Variants in ZDHHC18 observed in about 807,000 individuals in gnomAD.
ZDHHC18 encodes the protein zDHHC palmitoyltransferase 18.
In ZDHHC18, 23 loss-of-function variants were observed where a neutral mutation model predicts 37.5. That is an observed-to-expected ratio of 0.61 (90% CI 0.44 to 0.87). The LOEUF is 0.87. Among genes scored for constraint, ZDHHC18 ranks in the 40% least tolerant of loss-of-function variants. The pLI is 0.00. For missense variants in ZDHHC18, 406 were observed against 525.6 expected (o/e 0.77, Z 2.22); for synonymous variants, 185 against 218.7 (o/e 0.85, Z 1.36).
intron 2 of ZDHHC18, among the ~76,000 whole-genome samples, chr1:26,845,879 A>G (rs1356655004): frequency 2.6e-5 from 4 of 152,018 alleles, no homozygotes; most frequent in African/African-American, 9.7e-5. Context: ...CTCCTGCCTC[A>G]GCCTCCTGAG....
chr1:26,853,469 T>G (rs987659855), intron 7 of ZDHHC18, among the ~76,000 whole-genome samples: 4 of 152,196 alleles, frequency 2.6e-5, no homozygotes, highest in African/African-American at 4.8e-5. Context: ...CAGCCTGGCT[T>G]CTTGGCAGCC....
chr1:26,843,996 A>T (rs1246226380), intron 2 of ZDHHC18, among the ~76,000 whole-genome samples: 1 of 152,060 alleles, frequency 6.6e-6, no homozygotes, highest in East Asian at 1.9e-4. Context: ...CCTATTTTTG[A>T]ACATTTTGTA....
intron 2 of ZDHHC18, among the ~76,000 whole-genome samples, chr1:26,844,147 C>A (rs2081652038): frequency 1.3e-5 from 2 of 152,246 alleles, no homozygotes; most frequent in South Asian, 4.1e-4. Context: ...TCAAGCAATT[C>A]TCCTGCCTCA....
Position 26,853,894 on chromosome 1 carries a change from C to A in ZDHHC18, c.*51C>A, listed in dbSNP as rs1234479694. On this transcript the variant is annotated 3_prime_UTR_variant, in exon 8 of 8. Coordinates refer to ENST00000374142, the MANE Select transcript of ZDHHC18 (RefSeq NM_032283.3). ...TGGCCTGTCTGACCCTCCGCACTCA[C>A]CTGCCGGGACCCTCCCTATTCCATC... 2 of 1,492,766 alleles carry A rather than the reference C, an allele frequency of 1.3e-6. No homozygotes were observed. Among genetic ancestry groups the A allele is most frequent in the African/African-American group, 1.4e-5 (1 of 72,524 alleles). The allele number at this position is 1,492,766 out of a possible 1,614,324, so 92.5% of individuals were successfully genotyped here. A position where few individuals can be genotyped will look rare whatever the true frequency, so the allele number is the denominator to read the frequency against.
At chr1:26,840,640 G>T (rs762606570) in intron 2 of ZDHHC18, among the ~76,000 whole-genome samples, 2 of 151,934 alleles carry the variant, frequency 1.3e-5, no homozygotes, top group Non-Finnish European at 2.9e-5. Context: ...TGGGGTTTCA[G>T]TGTGTTGGCC....
At position 26,827,105 on chromosome 1, in the gene ZDHHC18, A is replaced by G. The variant is rs766059868; in HGVS notation, c.301A>G (p.Ile101Val). Residue 101 changes from isoleucine (I) to valine (V), a missense_variant, in exon 1 of 8, where the codon ATC (isoleucine) becomes GTC (valine). Physicochemically the swap from Ile to Val is conservative, Grantham distance 29. Transcript: ENST00000374142. ...CGTCTTCGCGCTCACGCTGCTGCTC[A>G]TCCTCACCACCACCGGCCTCTTCTT... ...GGVFALTLLL[I>V]LTTTGLFFVF... 1 of 1,418,014 alleles carries G rather than the reference A, an allele frequency of 7.1e-7. No individual in the cohort carries two copies. Among genetic ancestry groups the G allele is most frequent in the South Asian group, 1.4e-5 (1 of 69,662 alleles). The allele number at this position is 1,418,014 out of a possible 1,614,324, so 87.8% of individuals were successfully genotyped here.
rs1360793229 is a variant in ZDHHC18, at chr1:26,850,078, AAGG to A, written c.647-220_647-218del. ...GAGGTGGCTTTGCAGCTGAGACGCG[AAGG>A]AGAAGTTCCAGTTAACCAGGTAAAG... On this transcript the variant is annotated intron_variant, in intron 3 of 7. Coordinates refer to ENST00000374142, the MANE Select transcript of ZDHHC18 (RefSeq NM_032283.3). This position sits in a 1 kb window ranked among gnomAD's most constrained non-coding sequence, Gnocchi z 6.1. Among the ~76,000 whole-genome samples the A allele has an allele frequency of 3.9e-5, 6 of 152,342 alleles. No individual in the cohort carries two copies. The highest frequency in any genetic ancestry group is 4.1e-4 in the South Asian group (2 of 4,834).
chr1:26,845,901 A>G lies in ZDHHC18; in HGVS notation c.497-2707A>G, dbSNP rs371292079. ...CTCAGCCTCCTGAGAAGCTGGGACC[A>G]CAGGCATGAGCAACCATGCCCAGCC... On this transcript the variant is annotated intron_variant, in intron 2 of 7. Transcript: ENST00000374142. 1.2e-4 allele frequency among the ~76,000 whole-genome samples: 18 copies of G among 152,116 alleles called. No homozygotes were observed. In the East Asian group the frequency reaches 3.5e-3, roughly 29 times the overall value.
At chr1:26,847,373 G>A (rs375767654) in intron 2 of ZDHHC18, among the ~76,000 whole-genome samples, 5 of 151,924 alleles carry the variant, frequency 3.3e-5, no homozygotes, top group East Asian at 1.9e-4. Context: ...CGTCATACCC[G>A]GCTAATTTTT....
intron 2 of ZDHHC18, among the ~76,000 whole-genome samples, chr1:26,837,938 T>C (rs1369844031): frequency 6.6e-6 from 1 of 152,030 alleles, no homozygotes; most frequent in Non-Finnish European, 1.5e-5. Context: ...CCGCCTGCCG[T>C]GGTGAGCCAG....
In ZDHHC18 at chr1:26,827,042, T is replaced by G; in HGVS notation, c.238T>G (p.Tyr80Asp). Residue 80 changes from tyrosine (Y) to aspartate (D), a missense_variant, in exon 1 of 8, where the codon TAC (tyrosine) becomes GAC (aspartate). Coordinates refer to ENST00000374142, the MANE Select transcript of ZDHHC18 (RefSeq NM_032283.3). The part of the protein sequence containing the change: ...WEVFPGRNRF[Y>D]CGGRLMLAGH... ...GGTGTTCCCGGGTCGCAATCGCTTC[T>G]ACTGCGGCGGCCGCCTCATGCTGGC... The G allele has an allele frequency of 7.4e-7, 1 of 1,351,386 alleles. No individual in the cohort carries two copies. The highest frequency in any genetic ancestry group is 9.5e-7 in the Non-Finnish European group (1 of 1,054,188). The allele number at this position is 1,351,386 out of a possible 1,614,324, so 83.7% of individuals were successfully genotyped here. A position where few individuals can be genotyped will look rare whatever the true frequency, so the allele number is the denominator to read the frequency against.
rs1419995782 is a variant in ZDHHC18, at chr1:26,857,544, G to A, written c.*3701G>A. 1.3e-5 allele frequency: 2 copies of A among 152,008 alleles called. No homozygotes were observed. The highest frequency in any genetic ancestry group is 2.1e-4 in the South Asian group (1 of 4,810). 9.4% of individuals were successfully genotyped at this position (152,008 alleles called of 1,614,324 possible). ...GCCCAGGGCTGGGGGCTGCTTGTCTGCTATCCTGTACCTTTTTTTTTTTTA... is the reference window on the plus strand; with the variant it reads ...GCCCAGGGCTGGGGGCTGCTTGTCTACTATCCTGTACCTTTTTTTTTTTTA... On this transcript the variant is annotated 3_prime_UTR_variant, in exon 8 of 8. Transcript: ENST00000374142.
intron 1 of ZDHHC18, among the ~76,000 whole-genome samples, chr1:26,827,773 C>A (rs1306091551): frequency 6.6e-6 from 1 of 152,192 alleles, no homozygotes; most frequent in Non-Finnish European, 1.5e-5. Flanking sequence ...CATCTTTTCT[C>A]AAAATCTTTG....
chr1:26,832,455 A>G lies in ZDHHC18; in HGVS notation c.344A>G (p.Tyr115Cys). 2 of 1,614,036 alleles carry G rather than the reference A, an allele frequency of 1.2e-6. No homozygotes were observed. Among genetic ancestry groups the G allele is most frequent in the Middle Eastern group, 1.7e-4 (1 of 6,058 alleles). ...TGLFFVFDCP[Y>C]LARKLTLAIP... Reference sequence around the variant, plus strand: ...TCCATCTCTCGTTCTAGCTGTCCCTACCTGGCTCGCAAGCTGACCCTTGCC... The same window carrying G: ...TCCATCTCTCGTTCTAGCTGTCCCTGCCTGGCTCGCAAGCTGACCCTTGCC... The change falls in exon 2 of 8, where the codon TAC (tyrosine) becomes TGC (cysteine). Residue 115 changes from tyrosine to cysteine, a missense_variant. Coordinates refer to ENST00000374142, the MANE Select transcript of ZDHHC18 (RefSeq NM_032283.3).
intron 1 of ZDHHC18, among the ~76,000 whole-genome samples, chr1:26,827,952 G>A (rs1420176499): frequency 1.3e-5 from 2 of 152,040 alleles, no homozygotes; most frequent in Non-Finnish European, 2.9e-5. Context: ...ACGTCCCTCT[G>A]GCCTGTTCCA....
rs1296905039 is a variant in ZDHHC18 at position 26,854,798 on chromosome 1, TAA to T, written c.*956_*957del. ...TTATCAGAAGGCTGGTTGGTTTTAA[TAA>T]GTTTATTCCAAGAGACCTTCTGGCT... On this transcript the variant is annotated 3_prime_UTR_variant, in exon 8 of 8. Coordinates refer to ENST00000374142, the MANE Select transcript of ZDHHC18 (RefSeq NM_032283.3). This position sits in a 1 kb window ranked among gnomAD's most constrained non-coding sequence, Gnocchi z 4.6. 1.3e-5 allele frequency: 2 copies of T among 152,622 alleles called. No individual in the cohort carries two copies. The highest frequency in any genetic ancestry group is 6.5e-5 in the Admixed American group (1 of 15,282). The allele number at this position is 152,622 out of a possible 1,614,324, so 9.5% of individuals were successfully genotyped here. A position where few individuals can be genotyped will look rare whatever the true frequency, so the allele number is the denominator to read the frequency against.
chr1:26,829,513 A>C (rs1418262464), intron 1 of ZDHHC18, among the ~76,000 whole-genome samples: 2 of 152,020 alleles, frequency 1.3e-5, no homozygotes, highest in Non-Finnish European at 2.9e-5. Context: ...TCCCCTGTCC[A>C]TCCGCACAGC....
chr1:26,840,241 A>C (rs1021411820), intron 2 of ZDHHC18, among the ~76,000 whole-genome samples: 2 of 152,176 alleles, frequency 1.3e-5, no homozygotes, highest in Admixed American at 1.3e-4. Context: ...GCTGTCCTTC[A>C]TTCACAGATG....
intron 1 of ZDHHC18, among the ~76,000 whole-genome samples, chr1:26,829,515 C>A (rs1462974563): frequency 6.6e-6 from 1 of 152,148 alleles, no homozygotes; most frequent in Non-Finnish European, 1.5e-5. Context: ...CCCTGTCCAT[C>A]CGCACAGCAT....
Sources: gnomAD v4.1 joint callset for allele counts (sites outside exome capture counted in the v4.1 genomes callset) on GRCh38, gnomAD v4.1.1 for gene constraint, Gnocchi (gnomAD v3.1) non-coding constraint, MANE v1.5 for transcripts, NCBI Gene and HGNC (gene_info 2026-07-23, HGNC 2026-07-21) for gene names.